The following JAG1 variants were observed in gnomAD, a reference collection of about 807,000 sequenced individuals.
The protein encoded by JAG1 is protein jagged-1.
Under a neutral mutation model 148.7 loss-of-function variants are expected in JAG1, and 23 were observed. That is an observed-to-expected ratio of 0.15 (90% CI 0.11 to 0.22). The LOEUF is 0.22. Among genes scored for constraint, JAG1 ranks in the 10% least tolerant of loss-of-function variants. The pLI is 1.00. For missense variants in JAG1, 1,054 were observed against 1,611.2 expected, an observed-to-expected ratio of 0.65 and a Z score of 5.92; for synonymous variants, 572 against 598.3, an observed-to-expected ratio of 0.96 and a Z score of 0.64.
Position 10,639,635 on chromosome 20 carries a change from G to A in JAG1, c.3520C>T (p.Pro1174Ser). The change falls in exon 26 of 26, where the codon CCG (proline) becomes TCG (serine). Residue 1174 changes from proline to serine, a missense_variant. Around this residue, in one of 6 missense-constraint regions of JAG1, gnomAD observed 177 missense variants for 177.3 expected, o/e 1.00. Coordinates refer to ENST00000254958, the MANE Select transcript of JAG1 (RefSeq NM_000214.3). The stretch of plus-strand genomic sequence containing the variant: ...TCTCTGTCTACCAGCGTGTACGCCG[G>A]CTGCTTGGCAAACCGGGCTTTCTGC... ...HQQKARFAKQ[P>S]AYTLVDREEK... is the part of the protein sequence containing the mutation. 2 of 1,614,200 alleles carry A rather than the reference G, an allele frequency of 1.2e-6. No homozygotes were observed. The highest frequency in any genetic ancestry group is 1.7e-6 in the Non-Finnish European group (2 of 1,180,032).
chr20:10,673,112 C>T lies in JAG1; in HGVS notation c.82-106G>A. On this transcript the variant is annotated intron_variant, in intron 1 of 25. Transcript: ENST00000254958. The surrounding 1 kb of genome is among the most constrained non-coding windows in gnomAD (Gnocchi z 4.7). ...CCCCGCCCCGACGAGCCCTCCTCGC[C>T]GAGTGAAAATAATTTTGCGAAACTA... is the stretch of plus-strand genomic sequence containing the variant. 5 of 1,056,370 alleles carry T rather than the reference C, an allele frequency of 4.7e-6. No homozygotes were observed. Among genetic ancestry groups the T allele is most frequent in the South Asian group, 2.6e-5 (2 of 76,252 alleles). 65.4% of individuals were successfully genotyped at this position (1,056,370 alleles called of 1,614,324 possible).
intron 8 of JAG1, 174 bp downstream of exon 8, chr20:10,651,407 G>A (rs1029768888): frequency 2.4e-5 from 14 of 593,744 alleles, no homozygotes; most frequent in African/African-American, 1.9e-4. Context: ...ACAGGATGGG[G>A]GTGCTGGGAG....
rs545503728 is a variant in JAG1 at position 10,645,585 on chromosome 20, A to G, written c.2000-116T>C. ...AACATCCTATTCTGAGAACAGCCACAGTCGTAGTACTTTAACACAATCAGG... is the reference window on the plus strand; with the variant it reads ...AACATCCTATTCTGAGAACAGCCACGGTCGTAGTACTTTAACACAATCAGG... On this transcript the variant is annotated intron_variant, in intron 15 of 25. Coordinates refer to ENST00000254958, the MANE Select transcript of JAG1 (RefSeq NM_000214.3). This position sits in a 1 kb window ranked among gnomAD's most constrained non-coding sequence, Gnocchi z 6.1. The G allele has an allele frequency of 3.6e-3, 3,018 of 831,756 alleles. 13 individuals are homozygous for G. The highest frequency in any genetic ancestry group is 5.6e-3 in the Non-Finnish European group (2,763 of 494,476). 51.5% of individuals were successfully genotyped at this position (831,756 alleles called of 1,614,324 possible). A position where few individuals can be genotyped will look rare whatever the true frequency, so the allele number is the denominator to read the frequency against.
intron 2 of JAG1, among the ~76,000 whole-genome samples, chr20:10,664,744 T>C (rs764169103): frequency 2.6e-5 from 4 of 152,166 alleles, no homozygotes; most frequent in Admixed American, 6.5e-5. Flanking sequence ...AACTTATCTG[T>C]TAATAAGATC....
intron 7 of JAG1, 32 bp downstream of exon 7, chr20:10,652,099 C>G (rs2067350657): frequency 6.2e-7 from 1 of 1,612,876 alleles, no homozygotes. Flanking sequence ...AAAAATTAGA[C>G]AAAGGGCTCT....
Position 10,656,284 on chromosome 20 carries a change from T to A in JAG1, c.755+114A>T, listed in dbSNP as rs76481877. The A allele has an allele frequency of 0.015, 12,619 of 870,222 alleles. 905 individuals are homozygous for A. The African/African-American group carries it at 0.17, about 12-fold the overall frequency. 53.9% of individuals were successfully genotyped at this position (870,222 alleles called of 1,614,324 possible). A position where few individuals can be genotyped will look rare whatever the true frequency, so the allele number is the denominator to read the frequency against. Reference sequence around the variant, plus strand: ...GATGTGTCTATCTGAATTTTTTTTTTAAAAAAGCTTTCTTGTTCTCCAAGG... The same window carrying A: ...GATGTGTCTATCTGAATTTTTTTTTAAAAAAAGCTTTCTTGTTCTCCAAGG... On this transcript the variant is annotated intron_variant, in intron 5 of 25. Coordinates refer to ENST00000254958, the MANE Select transcript of JAG1 (RefSeq NM_000214.3).
At chr20:10,650,478 A>T in intron 8 of JAG1, 118 bp from the exon 9 acceptor site, 1 of 709,514 alleles carries the variant, frequency 1.4e-6, no homozygotes. Context: ...ACCTGCTACA[A>T]GGAAAGCTAC....
chr20:10,666,804 G>A (rs918984081), intron 2 of JAG1, among the ~76,000 whole-genome samples: 2 of 152,192 alleles, frequency 1.3e-5, no homozygotes, highest in African/African-American at 4.8e-5. Flanking sequence ...GTCAGCCTTC[G>A]GAATTGCTTT....
intron 18 of JAG1, 150 bp downstream of exon 18, chr20:10,644,713 G>T (rs1382801732): frequency 2.7e-6 from 2 of 740,236 alleles, no homozygotes; most frequent in Admixed American, 3.8e-5. Flanking sequence ...CCCAGGTCAG[G>T]GCTGTATCCC....
rs35531956 is a variant in JAG1 at position 10,658,198 on chromosome 20, G to T, written c.694+270C>A. Among the ~76,000 whole-genome samples the T allele has an allele frequency of 0.37, 56,985 of 151,994 alleles. 11,398 individuals carry two copies. Among genetic ancestry groups the T allele is most frequent in the East Asian group, 0.45 (2,295 of 5,126 alleles). ...AGCTGGAGGAATGGGGCATGCACTG[G>T]TTTGGCCAAGGACGAGTCTCCTGAG... On this transcript the variant is annotated intron_variant, in intron 4 of 25. Coordinates refer to ENST00000254958, the MANE Select transcript of JAG1 (RefSeq NM_000214.3).
At chr20:10,660,409 G>C (rs1249762293) in intron 3 of JAG1, among the ~76,000 whole-genome samples, 1 of 152,198 alleles carries the variant, frequency 6.6e-6, no homozygotes, top group Non-Finnish European at 1.5e-5. Context: ...TGCTCTGCTG[G>C]TTCAGTTAAA....
At chr20:10,664,598 G>T (rs1305195597) in intron 2 of JAG1, among the ~76,000 whole-genome samples, 12 of 152,152 alleles carry the variant, frequency 7.9e-5, no homozygotes, top group Admixed American at 5.2e-4. Context: ...CTAGGAAACA[G>T]GAGGGGGTAG....
At chr20:10,640,603 C>T (rs2067263821) in intron 25 of JAG1, among the ~76,000 whole-genome samples, 180 bp downstream of exon 25, 1 of 152,184 alleles carries the variant, frequency 6.6e-6, no homozygotes, top group African/African-American at 2.4e-5. Flanking sequence ...ATGAGGCAGA[C>T]CTCTGTTCCC....
At chr20:10,661,913 G>T (rs1366727077) in intron 3 of JAG1, among the ~76,000 whole-genome samples, 3 of 152,192 alleles carry the variant, frequency 2.0e-5, no homozygotes, top group Non-Finnish European at 4.4e-5. Context: ...CAGAGAGGGG[G>T]TACACAGATC....
intron 2 of JAG1, among the ~76,000 whole-genome samples, chr20:10,669,353 T>TA (rs2067478934): frequency 6.6e-6 from 1 of 151,750 alleles, no homozygotes. Flanking sequence ...ACCCCATCCT[T>TA]AAGCCCTCCA....
intron 18 of JAG1, 100 bp from the exon 19 acceptor site, chr20:10,644,484 A>C (rs975997368): frequency 1.1e-6 from 1 of 937,562 alleles, no homozygotes; most frequent in African/African-American, 1.6e-5. Flanking sequence ...CCAAATGATA[A>C]AGTCGTAGTT....
intron 8 of JAG1, chr20:10,651,282 CAAG>C (rs2067344387): frequency 1.4e-5 from 5 of 353,702 alleles, no homozygotes; most frequent in Admixed American, 4.1e-5. Flanking sequence ...TCCATGGCTG[CAAG>C]AAGAATAACC....
chr20:10,671,739 C>A (rs1167661240), intron 2 of JAG1, among the ~76,000 whole-genome samples: 1 of 152,216 alleles, frequency 6.6e-6, no homozygotes, highest in East Asian at 1.9e-4. Flanking sequence ...CCTTTCCTCC[C>A]CTTCTGCAAT....
chr20:10,646,846 C>A, intron 14 of JAG1, 93 bp downstream of exon 14: 185 of 1,106,404 alleles, frequency 1.7e-4, no homozygotes, highest in Middle Eastern at 2.6e-4. Flanking sequence ...AAAAAACTTT[C>A]AACACCAATG....
Sources: gnomAD v4.1 joint callset for allele counts (sites outside exome capture counted in the v4.1 genomes callset) on GRCh38, gnomAD v4.1.1 for gene constraint, gnomAD v4.1.1 regional missense constraint, Gnocchi (gnomAD v3.1) non-coding constraint, MANE v1.5 for transcripts, NCBI Gene and HGNC (gene_info 2026-07-23, HGNC 2026-07-21) for gene names.